The following PAQR3 variants were observed in gnomAD, a reference collection of about 807,000 sequenced individuals.
PAQR3 encodes Raf kinase trapping to Golgi.
In PAQR3, 39 loss-of-function variants were observed where a neutral mutation model predicts 41.7. That is an observed-to-expected ratio of 0.93 (90% confidence interval 0.72 to 1.22). PAQR3 has a LOEUF of 1.22. PAQR3 is among the 50% of genes most tolerant of loss of function. The probability of loss-of-function intolerance (pLI) is 0.00; values close to 1 mark genes in which losing one functional copy is unlikely to be tolerated. For synonymous variants in PAQR3, 140 were observed against 140.6 expected (o/e 1.00, Z 0.03); for missense variants, 366 against 385.6 (o/e 0.95, Z 0.42).
At position 78,913,031 on chromosome 4, in the gene PAQR3, CA is replaced by C. The variant is rs1734743209; in HGVS notation, c.*7507del. On this transcript the variant is annotated 3_prime_UTR_variant, in exon 6 of 6. Transcript: ENST00000512733. ...AAATATGTAGCGGAAACTGAATTTT[CA>C]AGACATTTACAATGTGAAATCATGT... The C allele has an allele frequency of 6.6e-6, 1 of 152,194 alleles. No individual in the cohort carries two copies. The allele number at this position is 152,194 out of a possible 1,614,324, so 9.4% of individuals were successfully genotyped here. A position where few individuals can be genotyped will look rare whatever the true frequency, so the allele number is the denominator to read the frequency against.
At chr4:78,898,496 ATAGG>A (rs1236960348) in intron 11 of PAQR3, among the ~76,000 whole-genome samples, 1 of 151,526 alleles carries the variant, frequency 6.6e-6, no homozygotes, top group East Asian at 2.0e-4. Context: ...AGTGGAGGTA[ATAGG>A]TAGAAATGGA....
chr4:78,927,580 G>GA (rs1431221860), intron 3 of PAQR3, among the ~76,000 whole-genome samples: 1 of 152,368 alleles, frequency 6.6e-6, no homozygotes, highest in East Asian at 1.9e-4. Context: ...GGCAGTAGAG[G>GA]AAAGCCTGAC....
intron 5 of PAQR3, chr4:78,922,509 C>T: frequency 9.1e-7 from 1 of 1,098,838 alleles, no homozygotes; most frequent in South Asian, 1.3e-5. Context: ...AAAAAAACAT[C>T]AGTTTTATGT....
chr4:78,922,790 G>T (rs1735789804), intron 5 of PAQR3: 1 of 395,804 alleles, frequency 2.5e-6, no homozygotes, highest in African/African-American at 2.1e-5. Flanking sequence ...CCATGTTTTA[G>T]ATAGGAAAAC....
chr4:78,926,013 A>T (rs1736178655), intron 4 of PAQR3, among the ~76,000 whole-genome samples: 1 of 152,066 alleles, frequency 6.6e-6, no homozygotes, highest in East Asian at 1.9e-4. Context: ...ATGATTTCCA[A>T]ATCTTTATTG....
At chr4:78,888,403 A>G (rs199563443) in intron 11 of PAQR3, among the ~76,000 whole-genome samples, 2 of 152,346 alleles carry the variant, frequency 1.3e-5, no homozygotes, top group East Asian at 3.9e-4. Context: ...AACTCAAAAT[A>G]GTCATTGTAA....
Position 78,918,785 on chromosome 4 carries a change from C to G in PAQR3, c.*1754G>C. 1 of 984,410 alleles carries G rather than the reference C, an allele frequency of 1.0e-6. No homozygotes were observed. The allele number at this position is 984,410 out of a possible 1,614,324, so 61.0% of individuals were successfully genotyped here. On this transcript the variant is annotated 3_prime_UTR_variant, in exon 6 of 6. Coordinates refer to ENST00000512733, the MANE Select transcript of PAQR3 (RefSeq NM_001040202.2). Reference sequence around the variant, plus strand: ...CCCCTCATTTTTAACTTAAGTGTAACTACTCAGTGTCTTTTGTTTGGCCAA... The same window carrying G: ...CCCCTCATTTTTAACTTAAGTGTAAGTACTCAGTGTCTTTTGTTTGGCCAA...
At chr4:78,896,053 C>T (rs1343285820) in intron 11 of PAQR3, among the ~76,000 whole-genome samples, 1 of 152,200 alleles carries the variant, frequency 6.6e-6, no homozygotes, top group Admixed American at 6.5e-5. Flanking sequence ...GCCATCCTGC[C>T]AAGTCCAAAT....
chr4:78,924,186 G>C (rs994248329), intron 4 of PAQR3, among the ~76,000 whole-genome samples: 1 of 152,002 alleles, frequency 6.6e-6, no homozygotes, highest in African/African-American at 2.4e-5. Flanking sequence ...AGTTCCTAAG[G>C]GCATCCAACT....
chr4:78,934,548 A>G (rs953961045), intron 2 of PAQR3, among the ~76,000 whole-genome samples: 2 of 152,246 alleles, frequency 1.3e-5, no homozygotes, highest in African/African-American at 4.8e-5. Flanking sequence ...GTTAACTTTT[A>G]AAGACATTTT....
chr4:78,926,511 C>G lies in PAQR3; in HGVS notation c.702+10G>C, dbSNP rs760260374. The G allele has an allele frequency of 6.3e-7, 1 of 1,597,226 alleles. No homozygotes were observed. The highest frequency in any genetic ancestry group is 8.6e-7 in the Non-Finnish European group (1 of 1,167,848). On this transcript the variant is annotated intron_variant, in intron 4 of 5. Transcript: ENST00000512733. ...AAAAAAGAGAAAAATATTAACTACACTCAACCTACCTGTACAATAGGAGCA... is the reference window on the plus strand; with the variant it reads ...AAAAAAGAGAAAAATATTAACTACAGTCAACCTACCTGTACAATAGGAGCA...
intron 11 of PAQR3, chr4:78,898,707 G>T (rs1733841879): frequency 6.7e-6 from 1 of 149,466 alleles, no homozygotes; most frequent in East Asian, 2.0e-4. Context: ...GCAACAAAAT[G>T]ACTACAGAAA....
intron 11 of PAQR3, among the ~76,000 whole-genome samples, chr4:78,893,854 A>G (rs1733568448): frequency 6.6e-6 from 1 of 152,200 alleles, no homozygotes; most frequent in Non-Finnish European, 1.5e-5. Flanking sequence ...GTGAGCCACC[A>G]AGCCCAGCTA....
intron 11 of PAQR3, among the ~76,000 whole-genome samples, chr4:78,904,884 GAT>G (rs1445870356): frequency 2.0e-5 from 3 of 151,946 alleles, no homozygotes; most frequent in Admixed American, 2.0e-4. Flanking sequence ...CTGAAAATAA[GAT>G]AGTTATAATT....
chr4:78,897,813 A>G (rs993715105), intron 11 of PAQR3, among the ~76,000 whole-genome samples: 1 of 152,214 alleles, frequency 6.6e-6, no homozygotes, highest in Non-Finnish European at 1.5e-5. Flanking sequence ...TACTGGATAG[A>G]GTTTTATCTG....
chr4:78,927,074 A>G (rs1023963068), intron 3 of PAQR3, among the ~76,000 whole-genome samples: 5 of 152,222 alleles, frequency 3.3e-5, no homozygotes, highest in African/African-American at 1.2e-4. Context: ...AATGTGAACA[A>G]AAGATTATAA....
chr4:78,935,294 AAC>A lies in PAQR3; in HGVS notation c.186-13_186-12del, dbSNP rs1485590061. ...GATAAAATAAACAAACTGGAAAATA[AAC>A]ACACATGCAACTGAGATTCACATTG... On this transcript the variant is annotated splice_polypyrimidine_tract_variant and intron_variant, in intron 1 of 5. Transcript: ENST00000512733. The A allele has an allele frequency of 1.9e-6, 3 of 1,607,188 alleles. No homozygotes were observed. In the African/African-American group the frequency reaches 4.0e-5, roughly 22 times the overall value.
intron 3 of PAQR3, among the ~76,000 whole-genome samples, chr4:78,927,281 T>C (rs1207522622): frequency 2.6e-5 from 4 of 152,218 alleles, no homozygotes; most frequent in South Asian, 2.1e-4. Context: ...AAAGGCATAC[T>C]GTTAGGCTAA....
At chr4:78,922,543 A>G (rs2867496) in intron 5 of PAQR3, 23,159 of 826,994 alleles carry the variant, frequency 0.028, 385 homozygotes, top group Middle Eastern at 0.033. Context: ...TTTCTGACCC[A>G]TGCCAAAACT....
Sources: allele counts gnomAD v4.1 joint callset (sites outside exome capture counted in the v4.1 genomes callset), GRCh38; gene constraint gnomAD v4.1.1; transcripts MANE v1.5; gene names NCBI Gene and HGNC (gene_info 2026-07-23, HGNC 2026-07-21).